Variants in DST observed in about 807,000 individuals in gnomAD.
DST encodes bullous pemphigoid antigen.
Under a neutral mutation model 875.2 loss-of-function variants are expected in DST, and 253 were observed. That is an observed-to-expected ratio of 0.29 (90% CI 0.26 to 0.32). The LOEUF (loss-of-function observed/expected upper bound fraction) is 0.32, where lower values mean the gene tolerates loss of function less well. Ranked by LOEUF, DST falls within the 10% of genes least tolerant of loss-of-function variation. The probability of loss-of-function intolerance (pLI) is 1.00; values close to 1 mark genes in which losing one functional copy is unlikely to be tolerated. For synonymous variants in DST, 3,124 were observed against 3,197.1 expected (o/e 0.98, Z 0.77); for missense variants, 8,287 against 9,111.6 (o/e 0.91, Z 3.68).
At chr6:56,614,922 C>A (rs145471325) in intron 36 of DST, 1 of 991,244 alleles carries the variant, frequency 1.0e-6, no homozygotes, top group Non-Finnish European at 1.2e-6. Context: ...CCTTCCCCTC[C>A]TCCAACACAT....
At chr6:56,834,277 G>A (rs1043699592) in intron 4 of DST, among the ~76,000 whole-genome samples, 5 of 151,942 alleles carry the variant, frequency 3.3e-5, no homozygotes, top group East Asian at 3.9e-4. Flanking sequence ...GACACCTCAC[G>A]AAAGGAAATA....
At chr6:56,874,987 T>G (rs1779010735) in intron 3 of DST, among the ~76,000 whole-genome samples, 1 of 152,188 alleles carries the variant, frequency 6.6e-6, no homozygotes, top group African/African-American at 2.4e-5. Flanking sequence ...TGTTTTTTGT[T>G]TTTTTGTTTG....
chr6:56,576,708 C>T (rs762738945), intron 50 of DST, among the ~76,000 whole-genome samples: 2 of 151,914 alleles, frequency 1.3e-5, no homozygotes, highest in African/African-American at 2.4e-5. Flanking sequence ...AGGGTAGAGC[C>T]CGTGTGAATG....
At chr6:56,876,002 C>T (rs1779480080) in intron 3 of DST, among the ~76,000 whole-genome samples, 1 of 152,108 alleles carries the variant, frequency 6.6e-6, no homozygotes, top group African/African-American at 2.4e-5. Context: ...TTACCTTAAT[C>T]ATTCCACGTT....
At chr6:56,484,006 C>T (rs1000148783) in intron 88 of DST, 36 of 152,138 alleles carry the variant, frequency 2.4e-4, no homozygotes, top group Admixed American at 3.9e-4. Context: ...TTTCAGAAGA[C>T]TTTCCAAAGC....
intron 49 of DST, among the ~76,000 whole-genome samples, chr6:56,589,038 G>A (rs1333948054): frequency 2.0e-5 from 3 of 152,220 alleles, no homozygotes; most frequent in Non-Finnish European, 2.9e-5. Flanking sequence ...TGAAGTAAGT[G>A]AAGGGTACCC....
At chr6:56,856,614 T>C (rs1236706413) in intron 3 of DST, among the ~76,000 whole-genome samples, 1 of 152,156 alleles carries the variant, frequency 6.6e-6, no homozygotes, top group Non-Finnish European at 1.5e-5. Context: ...AAGGAGGAAT[T>C]GTTCTAGATT....
intron 98 of DST, 140 bp downstream of exon 98, chr6:56,468,842 C>G (rs2094725078): frequency 1.6e-6 from 1 of 621,670 alleles, no homozygotes; most frequent in Non-Finnish European, 2.7e-6. Context: ...ATAGCGTTTA[C>G]AGAAACACCA....
chr6:56,693,194 A>T, intron 9 of DST: 1 of 1,233,774 alleles, frequency 8.1e-7, no homozygotes, highest in Non-Finnish European at 1.0e-6. Context: ...CTCATTTCAA[A>T]ATCCAGAGCT....
intron 61 of DST, among the ~76,000 whole-genome samples, chr6:56,546,869 G>GT (rs2097238181): frequency 6.6e-6 from 1 of 152,124 alleles, no homozygotes; most frequent in African/African-American, 2.4e-5. Flanking sequence ...AATAATGACA[G>GT]TAGATACCGC....
intron 101 of DST, 123 bp downstream of exon 101, chr6:56,463,442 G>C (rs2094436005): frequency 3.1e-6 from 3 of 965,696 alleles, no homozygotes; most frequent in Non-Finnish European, 4.5e-6. Context: ...CCCACAGTAT[G>C]AGAAGGTGCA....
chr6:56,569,918 C>T lies in DST; in HGVS notation c.13816G>A (p.Val4606Ile), dbSNP rs1450342371. 2 of 1,611,796 alleles carry T rather than the reference C, an allele frequency of 1.2e-6. No homozygotes were observed. Among genetic ancestry groups the T allele is most frequent in the East Asian group, 2.2e-5 (1 of 44,690 alleles). ...CCAAAAGAAGGCTGTACAATGGGAACTTTTTTTGTTGTTTCTTTTATCCAT... is the reference window on the plus strand; with the variant it reads ...CCAAAAGAAGGCTGTACAATGGGAATTTTTTTTGTTGTTTCTTTTATCCAT... The part of the protein sequence containing the change: ...KSWIKETTKK[V>I]PIVQPSFGAE... Residue 4606 changes from valine (V) to isoleucine (I), a missense_variant, in exon 54 of 104, where the codon GTT becomes ATT. Around this residue, in one of 10 missense-constraint regions of DST, gnomAD observed 1,513 missense variants for 1,677.8 expected, o/e 0.90. Transcript: ENST00000680361.
intron 43 of DST, among the ~76,000 whole-genome samples, chr6:56,602,357 T>G (rs1253089600): frequency 1.3e-5 from 2 of 151,948 alleles, no homozygotes; most frequent in East Asian, 1.9e-4. Context: ...CCTACAGTAG[T>G]CAGTACAGTA....
chr6:56,954,409 C>T lies in DST; in HGVS notation c.179G>A (p.Arg60Gln), dbSNP rs762130718. 1 of 1,366,360 alleles carries T rather than the reference C, an allele frequency of 7.3e-7. No homozygotes were observed. Among genetic ancestry groups the T allele is most frequent in the Non-Finnish European group, 9.8e-7 (1 of 1,021,298 alleles). The allele number at this position is 1,366,360 out of a possible 1,614,324, so 84.6% of individuals were successfully genotyped here. Reference protein sequence around the residue: ...KSVFSGRSRSRDAVLRSHHFR... With the variant: ...KSVFSGRSRSQDAVLRSHHFR... ...AAACCCGTCGCGGCGTGTCTTACCT[C>T]GGCTTCTTGAACGACCCGAGAAGAC... is the stretch of plus-strand genomic sequence containing the variant. Residue 60 changes from arginine (R) to glutamine (Q), a missense_variant and splice_region_variant, in exon 1 of 104, where the codon CGA (arginine) becomes CAA (glutamine). This residue lies in a region of DST where 1,160 missense variants were observed against 1,424.3 expected (regional missense o/e 0.81). Coordinates refer to ENST00000680361, the MANE Select transcript of DST (RefSeq NM_001374736.1).
chr6:56,673,310 T>C (rs79642831), intron 9 of DST, among the ~76,000 whole-genome samples: 20,199 of 152,118 alleles, frequency 0.13, 3,032 homozygotes, highest in African/African-American at 0.37. Context: ...GTTGAGCCTC[T>C]TGGTCTCTAT....
At chr6:56,843,724 G>A (rs1224922274) in intron 4 of DST, 17 of 331,132 alleles carry the variant, frequency 5.1e-5, no homozygotes, top group Admixed American at 1.4e-4. Context: ...GAGGGTGGAG[G>A]GTGGAGAGTG....
intron 9 of DST, among the ~76,000 whole-genome samples, chr6:56,686,890 A>G (rs1333355090): frequency 6.6e-6 from 1 of 152,230 alleles, no homozygotes; most frequent in Non-Finnish European, 1.5e-5. Flanking sequence ...TTTTTCACAT[A>G]CGTGACCTCG....
chr6:56,578,477 T>C (rs1388486191), intron 50 of DST, among the ~76,000 whole-genome samples: 1 of 152,166 alleles, frequency 6.6e-6, no homozygotes, highest in South Asian at 2.1e-4. Flanking sequence ...TGGCCTTAAG[T>C]TGAAGGCCTA....
In DST at chr6:56,605,988, T is replaced by C. The variant is rs369362219; in HGVS notation, c.8640A>G (p.Leu2880=). The C allele has an allele frequency of 6.2e-6, 10 of 1,612,808 alleles. No homozygotes were observed. The South Asian group carries it at 1.1e-4, about 18-fold the overall frequency. ...EKQQRVNVVQ[L]ASPSENNLVT... ...CTAAGTTATTTTCACTAGGTGATGC[T>C]AGCTGTACAACATTTACCCTTTGCT... is the stretch of plus-strand genomic sequence containing the variant. The change falls in exon 40 of 104, where the codon CTA becomes CTG. Residue 2880 remains leucine, a synonymous_variant. Transcript: ENST00000680361.
Sources: gnomAD v4.1 joint callset for allele counts (sites outside exome capture counted in the v4.1 genomes callset) on GRCh38, gnomAD v4.1.1 for gene constraint, gnomAD v4.1.1 regional missense constraint, MANE v1.5 for transcripts, NCBI Gene and HGNC (gene_info 2026-07-23, HGNC 2026-07-21) for gene names.